Variants in CFAP65 observed in about 807,000 individuals in gnomAD.
CFAP65 encodes cilia and flagella associated protein 65.
CFAP65 carries 155 observed loss-of-function variants against 208.0 expected under a neutral mutation model. The ratio of observed to expected loss-of-function variants is 0.75; its 90% CI spans 0.65 to 0.85. The LOEUF (loss-of-function observed/expected upper bound fraction) is 0.85, where lower values mean the gene tolerates loss of function less well. Ranked by LOEUF, CFAP65 falls within the 40% of genes least tolerant of loss-of-function variation. The pLI is 0.00. For missense variants in CFAP65, 2,294 were observed against 2,451.3 expected, an observed-to-expected ratio of 0.94 and a Z score of 1.36; for synonymous variants, 970 against 986.3, an observed-to-expected ratio of 0.98 and a Z score of 0.31.
At chr2:219,033,319 T>A (rs950925915) in intron 5 of CFAP65, among the ~76,000 whole-genome samples, 1 of 151,970 alleles carries the variant, frequency 6.6e-6, no homozygotes, top group African/African-American at 2.4e-5. Context: ...AAAATTTTTT[T>A]TAAAAAATTA....
Position 219,024,263 on chromosome 2 carries a change from G to A in CFAP65, c.2350-3C>T, listed in dbSNP as rs958641089. On this transcript the variant is annotated splice_polypyrimidine_tract_variant and splice_region_variant and intron_variant, in intron 14 of 34. Coordinates refer to ENST00000341552, the MANE Select transcript of CFAP65 (RefSeq NM_194302.4). ...CCGGAGGACACTGCTGGAAATAGCTGGGGGTGGGAGAGGAGGAAAGCGGCC... is the reference window on the plus strand; with the variant it reads ...CCGGAGGACACTGCTGGAAATAGCTAGGGGTGGGAGAGGAGGAAAGCGGCC... 6 of 1,608,210 alleles carry A rather than the reference G, an allele frequency of 3.7e-6. No homozygotes were observed. The highest frequency in any genetic ancestry group is 1.1e-5 in the South Asian group (1 of 90,756).
At position 219,022,256 on chromosome 2, in the gene CFAP65, G is replaced by T. The variant is rs1262338859; in HGVS notation, c.2894C>A (p.Ala965Asp). 3 of 1,607,352 alleles carry T rather than the reference G, an allele frequency of 1.9e-6. No homozygotes were observed. The highest frequency in any genetic ancestry group is 2.5e-6 in the Non-Finnish European group (3 of 1,177,198). Residue 965 changes from alanine (A) to aspartate (D), a missense_variant, in exon 17 of 35, where the codon GCC becomes GAC. Physicochemically the swap from Ala to Asp is moderately radical, Grantham distance 126. Transcript: ENST00000341552. ...LFQVGMWVWE[A>D]GLSPNANPAA... The stretch of plus-strand genomic sequence containing the variant: ...GGGGTTGGCATTTGGGGACAGGCCG[G>T]CTTCCCAGACCCACATCCCCACTTG...
At chr2:219,005,954 C>T in intron 31 of CFAP65, 67 bp downstream of exon 31, 1 of 1,518,752 alleles carries the variant, frequency 6.6e-7, no homozygotes, top group South Asian at 1.2e-5. Flanking sequence ...CTGGGCAGCC[C>T]CTGCTCTGGA....
At chr2:219,018,948 C>T (rs1414137494) in intron 21 of CFAP65, 103 bp downstream of exon 21, 2 of 1,503,624 alleles carry the variant, frequency 1.3e-6, no homozygotes, top group Non-Finnish European at 1.8e-6. Context: ...TCACAGACAG[C>T]AAGCAGCCAG....
intron 25 of CFAP65, 22 bp from the exon 26 acceptor site, chr2:219,010,726 G>C (rs371304601): frequency 1.9e-6 from 3 of 1,595,944 alleles, no homozygotes; most frequent in South Asian, 2.3e-5. Context: ...GGAGGGTGGG[G>C]GTAGGGACTG....
chr2:219,040,653 G>A (rs1948609431), intron 1 of CFAP65, 89 bp from the exon 2 acceptor site: 1 of 1,548,784 alleles, frequency 6.5e-7, no homozygotes, highest in Non-Finnish European at 8.7e-7. Flanking sequence ...CTGACCTCAG[G>A]GGACTGTACA....
At chr2:219,035,160 G>C (rs1359943294) in intron 5 of CFAP65, 2 of 623,990 alleles carry the variant, frequency 3.2e-6, no homozygotes, top group Non-Finnish European at 5.2e-6. Flanking sequence ...ATAGTACCTG[G>C]TATTCCCCAG....
intron 14 of CFAP65, among the ~76,000 whole-genome samples, chr2:219,025,253 A>T (rs1437169099): frequency 6.6e-6 from 1 of 151,966 alleles, no homozygotes; most frequent in Non-Finnish European, 1.5e-5. Context: ...ATCGAGGGGG[A>T]CTCTGTGAGG....
At chr2:219,005,373 T>G in intron 32 of CFAP65, 61 bp downstream of exon 32, 36 of 1,605,144 alleles carry the variant, frequency 2.2e-5, no homozygotes, top group Non-Finnish European at 3.0e-5. Context: ...TAAGGGGCTC[T>G]GGCTGAATGA....
intron 16 of CFAP65, among the ~76,000 whole-genome samples, chr2:219,022,923 G>A (rs536155627): frequency 5.3e-5 from 8 of 152,362 alleles, no homozygotes; most frequent in African/African-American, 1.7e-4. Flanking sequence ...TGGATGGGGA[G>A]GTGACATGCC....
Position 219,003,297 on chromosome 2 carries a change from G to C in CFAP65, c.5556-25C>G. On this transcript the variant is annotated intron_variant, in intron 33 of 34. Coordinates refer to ENST00000341552, the MANE Select transcript of CFAP65 (RefSeq NM_194302.4). The surrounding 1 kb of genome is among the most constrained non-coding windows in gnomAD (Gnocchi z 4.4). Reference sequence around the variant, plus strand: ...CCTGCGAGGGGGCGGGGGCTAGCATGAGGGCGGCCGCAGTGCCCGCGCGCC... The same window carrying C: ...CCTGCGAGGGGGCGGGGGCTAGCATCAGGGCGGCCGCAGTGCCCGCGCGCC... The C allele has an allele frequency of 4.0e-6, 6 of 1,500,740 alleles. No individual in the cohort carries two copies. The highest frequency in any genetic ancestry group is 5.3e-6 in the Non-Finnish European group (6 of 1,122,818). 93.0% of individuals were successfully genotyped at this position (1,500,740 alleles called of 1,614,324 possible).
In CFAP65 at chr2:219,004,389, G is replaced by A. The variant is rs778204349; in HGVS notation, c.5118C>T (p.Tyr1706=). The change falls in exon 33 of 35, where the codon TAC becomes TAT. Residue 1706 remains tyrosine, a synonymous_variant. Transcript: ENST00000341552. This position sits in a 1 kb window ranked among gnomAD's most constrained non-coding sequence, Gnocchi z 4.7. ...ACTGCTCATTCCAGAATTGGCGGAA[G>A]TACGGCACCTGCTCCACCAGGCTTT... ...VDQSLVEQVP[Y]FRQFWNEQST... 1.2e-6 allele frequency: 2 copies of A among 1,614,074 alleles called. No homozygotes were observed. The highest frequency in any genetic ancestry group is 4.5e-5 in the East Asian group (2 of 44,878).
In CFAP65 at chr2:219,031,247, T is replaced by C. The variant is rs1037083874; in HGVS notation, c.874A>G (p.Thr292Ala). ...GCCTGGCCTGGCTCCAGGAGCCCCG[T>C]GGCGGGCAGCATCTGGAATGGGCTG... ...FSSPFQMLPA[T>A]GLLEPGQASQ... The change falls in exon 8 of 35, where the codon ACG (threonine) becomes GCG (alanine). Residue 292 changes from threonine to alanine, a missense_variant. This residue lies in a region of CFAP65 where 867 missense variants were observed against 1,012.6 expected (regional missense o/e 0.86). Coordinates refer to ENST00000341552, the MANE Select transcript of CFAP65 (RefSeq NM_194302.4). This position sits in a 1 kb window ranked among gnomAD's most constrained non-coding sequence, Gnocchi z 5.2. The C allele has an allele frequency of 2.5e-6, 4 of 1,613,592 alleles. No homozygotes were observed. In the African/African-American group the frequency reaches 4.0e-5, roughly 16 times the overall value.
At chr2:219,010,218 C>A in intron 26 of CFAP65, 133 bp from the exon 27 acceptor site, 1 of 790,098 alleles carries the variant, frequency 1.3e-6, no homozygotes, top group Non-Finnish European at 2.0e-6. Context: ...TGTGCCTGGC[C>A]CTTTTGACAC....
chr2:219,035,284 A>G (rs1368727457), intron 5 of CFAP65, 196 bp downstream of exon 5: 5 of 1,492,200 alleles, frequency 3.4e-6, no homozygotes, highest in Non-Finnish European at 3.6e-6. Context: ...ACAGGCACAC[A>G]TTGGGACACT....
At chr2:219,018,263 T>A (rs1947036358) in intron 21 of CFAP65, 1 of 152,118 alleles carries the variant, frequency 6.6e-6, no homozygotes, top group Admixed American at 6.5e-5. Context: ...AAGTTGGAAG[T>A]CATCAAAAGG....
rs1225124086 is a variant in CFAP65, at chr2:219,004,335, G to A, written c.5172C>T (p.Ser1724=). Residue 1724 remains serine (S), a synonymous_variant, in exon 33 of 35, where the codon AGC becomes AGT. Coordinates refer to ENST00000341552, the MANE Select transcript of CFAP65 (RefSeq NM_194302.4). The surrounding 1 kb of genome is among the most constrained non-coding windows in gnomAD (Gnocchi z 4.7). ...CAGGCAGGATTGGCATTAAGTACAG[G>A]CTGTTTTTCTGGTCCATGAACTTAG... ...QSTKFMDQKN[S]LYLMPILPVP... 2.5e-6 allele frequency: 4 copies of A among 1,614,128 alleles called. No homozygotes were observed. Among genetic ancestry groups the A allele is most frequent in the Admixed American group, 1.7e-5 (1 of 60,024 alleles).
chr2:219,008,050 C>A (rs990906612), intron 29 of CFAP65, among the ~76,000 whole-genome samples: 48 of 152,226 alleles, frequency 3.2e-4, no homozygotes, highest in African/African-American at 1.2e-3. Context: ...AACTCCTGAC[C>A]TCAAGTGATC....
At chr2:219,009,781 T>G (rs1574533465) in intron 27 of CFAP65, among the ~76,000 whole-genome samples, 161 bp downstream of exon 27, 2 of 29,116 alleles carry the variant, frequency 6.9e-5, no homozygotes, top group Non-Finnish European at 6.1e-5. Context: ...TGGGATGGAG[T>G]GGGGTGGGAT....
Sources: allele counts gnomAD v4.1 joint callset (sites outside exome capture counted in the v4.1 genomes callset), GRCh38; gene constraint gnomAD v4.1.1; regional missense constraint gnomAD v4.1.1; non-coding constraint Gnocchi (gnomAD v3.1); transcripts MANE v1.5; gene names NCBI Gene and HGNC (gene_info 2026-07-23, HGNC 2026-07-21).